GCNT2: variants seen among roughly 807,000 people sequenced by gnomAD.
GCNT2 encodes the protein glucosaminyl (N-acetyl) transferase 2 (I blood group), also known as N-acetyllactosaminide beta-1,6-N-acetylglucosaminyl-transferase.
In GCNT2, 34 loss-of-function variants were observed where a neutral mutation model predicts 34.2. That is an observed-to-expected ratio of 1.00 (90% CI 0.76 to 1.32). The LOEUF (loss-of-function observed/expected upper bound fraction) is 1.32, where lower values mean the gene tolerates loss of function less well. GCNT2 is among the 40% of genes most tolerant of loss of function. GCNT2 has a pLI of 0.00. For missense variants in GCNT2, 584 were observed against 489.4 expected (o/e 1.19, Z -1.82); for synonymous variants, 212 against 188.0 (o/e 1.13, Z -1.04).
chr6:10,579,137 C>T (rs993300568), intron 3 of GCNT2, among the ~76,000 whole-genome samples: 2 of 152,126 alleles, frequency 1.3e-5, no homozygotes, highest in African/African-American at 4.8e-5. Context: ...TTGTCATGTA[C>T]TCTGCCTGCT....
chr6:10,524,307 A>G (rs112776647), intron 1 of GCNT2, among the ~76,000 whole-genome samples: 3 of 142,498 alleles, frequency 2.1e-5, no homozygotes, highest in African/African-American at 7.9e-5. Context: ...CTGGAGTGCG[A>G]TGGCACGATC....
chr6:10,599,209 G>A (rs892125956), intron 3 of GCNT2, among the ~76,000 whole-genome samples: 3 of 152,180 alleles, frequency 2.0e-5, no homozygotes, highest in African/African-American at 7.2e-5. Context: ...TAAGAATCTG[G>A]CATTGGTGAG....
rs1449220753 is a variant in GCNT2 at position 10,582,321 on chromosome 6, AAATAT to A, written c.926-39023_926-39019del. On this transcript the variant is annotated intron_variant, in intron 3 of 4. Transcript: ENST00000495262. ...TATATATTTAATATATAGTAATATT[AAATAT>A]AATATATACTATATAATATATAGTA... is the stretch of plus-strand genomic sequence containing the variant. 3.2e-3 allele frequency among the ~76,000 whole-genome samples: 350 copies of A among 107,956 alleles called. 3 individuals carry two copies. Among genetic ancestry groups the A allele is most frequent in the African/African-American group, 0.017 (330 of 19,666 alleles). The allele number at this position is 107,956 out of a possible 152,430, so 70.8% of individuals were successfully genotyped here.
At chr6:10,570,151 T>A (rs1182694261) in intron 3 of GCNT2, among the ~76,000 whole-genome samples, 1 of 152,142 alleles carries the variant, frequency 6.6e-6, no homozygotes, top group East Asian at 1.9e-4. Context: ...CTCAGGCTGG[T>A]CTTGAACTCC....
chr6:10,620,545 C>A (rs1244530069), intron 3 of GCNT2, among the ~76,000 whole-genome samples: 1 of 151,902 alleles, frequency 6.6e-6, no homozygotes, highest in African/African-American at 2.4e-5. Flanking sequence ...GTAGATGGGA[C>A]TACAAGCACG....
rs998803745 is a variant in GCNT2, at chr6:10,621,253, TGAAA to T, written c.926-92_926-89del. 5 of 788,836 alleles carry T rather than the reference TGAAA, an allele frequency of 6.3e-6. No homozygotes were observed. In the African/African-American group the frequency reaches 6.8e-5, roughly 11 times the overall value. 48.9% of individuals were successfully genotyped at this position (788,836 alleles called of 1,614,324 possible). A position where few individuals can be genotyped will look rare whatever the true frequency, so the allele number is the denominator to read the frequency against. Reference sequence around the variant, plus strand: ...GTGTGAAATGCGAAAGGTAATAAACTGAAAGAAAGTAAGCCTGACTTAGAGGCTT... The same window carrying T: ...GTGTGAAATGCGAAAGGTAATAAACTGAAAGTAAGCCTGACTTAGAGGCTT... On this transcript the variant is annotated intron_variant, in intron 3 of 4. Coordinates refer to ENST00000495262, the MANE Select transcript of GCNT2 (RefSeq NM_145649.5).
Position 10,583,853 on chromosome 6 carries a change from CTT to C in GCNT2, c.926-37496_926-37495del, listed in dbSNP as rs375839866. ...AACAGCTCAAGTTATCTGAAGCTCT[CTT>C]TGTGAAATGGGACCCAACTTTTGCT... is the stretch of plus-strand genomic sequence containing the variant. On this transcript the variant is annotated intron_variant, in intron 3 of 4. Coordinates refer to ENST00000495262, the MANE Select transcript of GCNT2 (RefSeq NM_145649.5). Among the ~76,000 whole-genome samples the C allele has an allele frequency of 2.9e-3, 444 of 152,300 alleles. 4 individuals carry two copies. Among genetic ancestry groups the C allele is most frequent in the African/African-American group, 0.01 (422 of 41,564 alleles).
chr6:10,563,789 T>TATATATAC (rs1763155828), intron 3 of GCNT2, among the ~76,000 whole-genome samples: 1 of 126,520 alleles, frequency 7.9e-6, no homozygotes, highest in African/African-American at 3.3e-5. Context: ...TATATATATA[T>TATATATAC]ATATATATAT....
intron 1 of GCNT2, among the ~76,000 whole-genome samples, chr6:10,524,272 C>T (rs1404689520): frequency 3.6e-5 from 5 of 139,634 alleles, no homozygotes; most frequent in African/African-American, 8.1e-5. Context: ...TTTTTTTAGA[C>T]GGAGTTTCGC....
intron 3 of GCNT2, among the ~76,000 whole-genome samples, chr6:10,579,838 A>AC (rs1196868897): frequency 1.4e-4 from 21 of 149,784 alleles, no homozygotes; most frequent in Non-Finnish European, 2.8e-4. Context: ...AAAAAAAAAA[A>AC]AAAAAAAAAA....
intron 3 of GCNT2, chr6:10,556,156 G>GGGA: frequency 7.4e-7 from 1 of 1,352,342 alleles, no homozygotes; most frequent in Non-Finnish European, 9.5e-7. Context: ...GGGAGGCAGA[G>GGGA]GGAGGAGGGA....
chr6:10,626,587 C>A lies in GCNT2; in HGVS notation c.1189C>A (p.Gln397Lys). The change falls in exon 5 of 5, where the codon CAA (glutamine) becomes AAA (lysine). Residue 397 changes from glutamine (Q) to lysine (K), a missense_variant. Coordinates refer to ENST00000495262, the MANE Select transcript of GCNT2 (RefSeq NM_145649.5). ...CCTCAATCAGAGTGAAACTGCGATACAACCCAGCTGGTATTTTTGAGCTAT... is the reference window on the plus strand; with the variant it reads ...CCTCAATCAGAGTGAAACTGCGATAAAACCCAGCTGGTATTTTTGAGCTAT... The part of the protein sequence containing the change: ...RTLNQSETAI[Q>K]PSWYF 1.2e-6 allele frequency: 2 copies of A among 1,613,450 alleles called. No homozygotes were observed. Among genetic ancestry groups the A allele is most frequent in the Middle Eastern group, 3.3e-4 (2 of 6,062 alleles).
intron 3 of GCNT2, among the ~76,000 whole-genome samples, chr6:10,541,223 G>C (rs1209021071): frequency 6.6e-6 from 1 of 152,110 alleles, no homozygotes; most frequent in Admixed American, 6.5e-5. Context: ...GTGTCCATAA[G>C]TTCTCATCAA....
intron 3 of GCNT2, chr6:10,573,084 A>C (rs1048843823): frequency 1.2e-4 from 67 of 575,964 alleles, no homozygotes; most frequent in Non-Finnish European, 1.4e-4. Flanking sequence ...GCAAGAAATC[A>C]CTGCCTATCT....
rs984752836 is a variant in GCNT2, at chr6:10,529,395, G to T, written c.484G>T (p.Gly162Trp). 6.2e-7 allele frequency: 1 copy of T among 1,614,040 alleles called. No homozygotes were observed. The highest frequency in any genetic ancestry group is 2.2e-5 in the East Asian group (1 of 44,874). ...TTCCAAGAAGGAGTCGGTTGTCTAT[G>T]GGGGGATCTCCAGGCTCCAGGCTGA... is the stretch of plus-strand genomic sequence containing the variant. ...LASKKESVVYGGISRLQADLN... is the reference protein window; with the variant it reads ...LASKKESVVYWGISRLQADLN... Residue 162 changes from glycine (G) to tryptophan (W), a missense_variant, in exon 3 of 5, where the codon GGG (glycine) becomes TGG (tryptophan). Physicochemically the swap from Gly to Trp is radical, Grantham distance 184. Transcript: ENST00000495262.
At chr6:10,556,618 G>T in intron 3 of GCNT2, 3 of 1,614,052 alleles carry the variant, frequency 1.9e-6, no homozygotes, top group Non-Finnish European at 2.5e-6. Flanking sequence ...ACAAACTAAT[G>T]ATCCATGAGA....
chr6:10,526,180 A>G (rs1761174719), intron 1 of GCNT2, among the ~76,000 whole-genome samples: 1 of 152,218 alleles, frequency 6.6e-6, no homozygotes, highest in Non-Finnish European at 1.5e-5. Context: ...AATTCTGGAT[A>G]GACGCATGAA....
intron 3 of GCNT2, among the ~76,000 whole-genome samples, chr6:10,601,349 A>G (rs1765079345): frequency 6.6e-6 from 1 of 152,216 alleles, no homozygotes; most frequent in Non-Finnish European, 1.5e-5. Context: ...TAGTAGAAAC[A>G]CCGTGAACTT....
chr6:10,537,084 G>A (rs1056131298), intron 3 of GCNT2, among the ~76,000 whole-genome samples: 2 of 152,106 alleles, frequency 1.3e-5, no homozygotes, highest in Non-Finnish European at 2.9e-5. Context: ...TCTTCTCAGG[G>A]AAACAGTTTC....
Sources: gnomAD v4.1 joint callset for allele counts (sites outside exome capture counted in the v4.1 genomes callset) on GRCh38, gnomAD v4.1.1 for gene constraint, MANE v1.5 for transcripts, NCBI Gene and HGNC (gene_info 2026-07-23, HGNC 2026-07-21) for gene names.